Variants in SETBP1 observed in about 807,000 individuals in gnomAD.
SETBP1 encodes the protein SET binding protein 1, also known as SET-binding protein.
Under a neutral mutation model 101.0 loss-of-function variants are expected in SETBP1, and 9 were observed. The observed-to-expected ratio is 0.09, with a 90% CI of 0.05 to 0.16. SETBP1 has a LOEUF of 0.16. Among genes scored for constraint, SETBP1 ranks in the 10% least tolerant of loss-of-function variants. The pLI, the probability that SETBP1 is intolerant of heterozygous loss-of-function variation, is 1.00. For missense variants in SETBP1, 1,858 were observed against 2,033.8 expected (o/e 0.91, Z 1.66); for synonymous variants, 818 against 788.5 (o/e 1.04, Z -0.63).
At position 44,843,004 on chromosome 18, in the gene SETBP1, G is replaced by T. The variant is rs188056337; in HGVS notation, c.487-26226G>T. On this transcript the variant is annotated intron_variant, in intron 2 of 5. Coordinates refer to ENST00000649279, the MANE Select transcript of SETBP1 (RefSeq NM_015559.3). Reference sequence around the variant, plus strand: ...ACACGAGGAAAGCCAGGGTCTGACAGCTGGTCAACCAAAGAGACCGATAGC... The same window carrying T: ...ACACGAGGAAAGCCAGGGTCTGACATCTGGTCAACCAAAGAGACCGATAGC... 2.1e-3 allele frequency among the ~76,000 whole-genome samples: 327 copies of T among 152,366 alleles called. 1 individual carries two copies. Among genetic ancestry groups the T allele is most frequent in the African/African-American group, 7.4e-3 (308 of 41,588 alleles).
At chr18:44,836,098 C>T (rs922507225) in intron 2 of SETBP1, among the ~76,000 whole-genome samples, 5 of 146,674 alleles carry the variant, frequency 3.4e-5, no homozygotes, top group African/African-American at 1.3e-4. Context: ...TCAGAAACAT[C>T]ATTTCCTTAC....
chr18:44,781,233 C>G (rs1169688984), intron 2 of SETBP1, among the ~76,000 whole-genome samples: 2 of 152,144 alleles, frequency 1.3e-5, no homozygotes, highest in Non-Finnish European at 2.9e-5. Context: ...ACCTTAGTTG[C>G]TTCTTGAGAT....
intron 2 of SETBP1, among the ~76,000 whole-genome samples, chr18:44,721,681 G>T (rs961753019): frequency 2.6e-5 from 4 of 152,062 alleles, no homozygotes; most frequent in African/African-American, 9.7e-5. Flanking sequence ...TTAAATCTAT[G>T]TTACCCGCTT....
intron 4 of SETBP1, among the ~76,000 whole-genome samples, chr18:45,017,823 C>CT (rs1223695682): frequency 1.3e-5 from 2 of 152,240 alleles, no homozygotes; most frequent in African/African-American, 4.8e-5. Flanking sequence ...CCCTACCTCA[C>CT]TTTAGCACGT....
rs937036094 is a variant in SETBP1 at position 44,951,610 on chromosome 18, A to G, written c.2270A>G (p.Asp757Gly). 1 of 1,614,194 alleles carries G rather than the reference A, an allele frequency of 6.2e-7. No homozygotes were observed. The highest frequency in any genetic ancestry group is 8.5e-7 in the Non-Finnish European group (1 of 1,180,036). ...KHPRPVSSQP[D>G]VPAVPSNFQS... is the part of the protein sequence containing the mutation. ...CCCAGGCCTGTTTCTAGCCAGCCGG[A>G]TGTTCCAGCCGTGCCTTCCAACTTT... Residue 757 changes from aspartate (D) to glycine (G), a missense_variant, in exon 4 of 6, where the codon GAT becomes GGT. This residue lies in a region of SETBP1 where 121 missense variants were observed against 138.0 expected (regional missense o/e 0.88). Coordinates refer to ENST00000649279, the MANE Select transcript of SETBP1 (RefSeq NM_015559.3). The surrounding 1 kb of genome is among the most constrained non-coding windows in gnomAD (Gnocchi z 7.8).
Position 45,028,507 on chromosome 18 carries a change from G to C in SETBP1, c.4001-9978G>C, listed in dbSNP as rs552546702. 9.4e-3 allele frequency among the ~76,000 whole-genome samples: 1,423 copies of C among 152,100 alleles called. 25 individuals are homozygous for C. The highest frequency in any genetic ancestry group is 0.033 in the African/African-American group (1,349 of 41,480). On this transcript the variant is annotated intron_variant, in intron 4 of 5. Coordinates refer to ENST00000649279, the MANE Select transcript of SETBP1 (RefSeq NM_015559.3). Reference sequence around the variant, plus strand: ...TGTCTTTATAGCAGCATGATTTATAGTCCTTTGGGTATATACCCAGTAATG... The same window carrying C: ...TGTCTTTATAGCAGCATGATTTATACTCCTTTGGGTATATACCCAGTAATG...
chr18:45,001,318 A>T (rs1378590828), intron 4 of SETBP1, among the ~76,000 whole-genome samples: 1 of 152,240 alleles, frequency 6.6e-6, no homozygotes, highest in Non-Finnish European at 1.5e-5. Context: ...TGTAAGGATT[A>T]AATTCTATAA....
chr18:44,983,209 TCAAG>T (rs1444660045), intron 4 of SETBP1, among the ~76,000 whole-genome samples: 1 of 152,152 alleles, frequency 6.6e-6, no homozygotes, highest in African/African-American at 2.4e-5. Flanking sequence ...AGGCATTTCT[TCAAG>T]CAGACAGATT....
chr18:44,888,823 T>C (rs2069706274), intron 3 of SETBP1, among the ~76,000 whole-genome samples: 1 of 151,858 alleles, frequency 6.6e-6, no homozygotes, highest in Non-Finnish European at 1.5e-5. Flanking sequence ...TTTTTGGGAG[T>C]CAAGTCAGCT....
chr18:44,787,488 TAC>T (rs1231133433), intron 2 of SETBP1, among the ~76,000 whole-genome samples: 1 of 152,104 alleles, frequency 6.6e-6, no homozygotes, highest in Non-Finnish European at 1.5e-5. Flanking sequence ...CTGAAAAAAA[TAC>T]ACAGACATGG....
intron 2 of SETBP1, among the ~76,000 whole-genome samples, chr18:44,792,890 C>T (rs1599135467): frequency 1.3e-5 from 2 of 152,044 alleles, no homozygotes; most frequent in African/African-American, 4.8e-5. Flanking sequence ...CCAGGGAAGC[C>T]AAGTCAGCCG....
In SETBP1 at chr18:44,701,591, C is replaced by T. The variant is rs1325938805; in HGVS notation, c.245C>T (p.Ala82Val). The part of the protein sequence containing the change: ...NSNADSEKWV[A>V]GDGLEEQEFS... ...AACGCGGACAGTGAGAAATGGGTGG[C>T]AGGAGATGGTTTGGAAGAGCAGGAA... Residue 82 changes from alanine (A) to valine (V), a missense_variant, in exon 2 of 6, where the codon GCA becomes GTA. By Grantham distance (64) the Ala-to-Val change is moderately conservative. This residue lies in a region of SETBP1 where 28 missense variants were observed against 59.2 expected (regional missense o/e 0.47). Coordinates refer to ENST00000649279, the MANE Select transcript of SETBP1 (RefSeq NM_015559.3). 6.2e-7 allele frequency: 1 copy of T among 1,614,142 alleles called. No individual in the cohort carries two copies. Among genetic ancestry groups the T allele is most frequent in the Non-Finnish European group, 8.5e-7 (1 of 1,180,032 alleles).
chr18:45,009,227 T>G (rs1568025336), intron 4 of SETBP1, among the ~76,000 whole-genome samples: 1 of 151,884 alleles, frequency 6.6e-6, no homozygotes, highest in Non-Finnish European at 1.5e-5. Context: ...ACAGGGAAGC[T>G]TGGGCTGCAG....
At position 44,953,319 on chromosome 18, in the gene SETBP1, T is replaced by C. The variant is rs758450543; in HGVS notation, c.3979T>C (p.Tyr1327His). The stretch of plus-strand genomic sequence containing the variant: ...GATGAACCGCAAGGAGAGAAGTTCT[T>C]ATGACTCCTCCATGTCTCCAGGTAA... ...FKMNRKERSS[Y>H]DSSMSPGMPS... The change falls in exon 4 of 6, where the codon TAT becomes CAT. Residue 1327 changes from tyrosine to histidine, a missense_variant. Tyr to His is a moderately conservative substitution (Grantham distance 83). Around this residue, in one of 12 missense-constraint regions of SETBP1, gnomAD observed 417 missense variants for 389.1 expected, o/e 1.07. Transcript: ENST00000649279. 5 of 1,613,816 alleles carry C rather than the reference T, an allele frequency of 3.1e-6. No individual in the cohort carries two copies. Among genetic ancestry groups the C allele is most frequent in the Non-Finnish European group, 4.2e-6 (5 of 1,179,958 alleles).
chr18:45,047,446 G>A lies in SETBP1; in HGVS notation c.4171+8791G>A, dbSNP rs150741525. On this transcript the variant is annotated intron_variant, in intron 5 of 5. Coordinates refer to ENST00000649279, the MANE Select transcript of SETBP1 (RefSeq NM_015559.3). Reference sequence around the variant, plus strand: ...TGTGGTGCCTGCCTTGTTCACTGGCGCTTTCCATTTCTAGAAGTCTAATTA... The same window carrying A: ...TGTGGTGCCTGCCTTGTTCACTGGCACTTTCCATTTCTAGAAGTCTAATTA... Among the ~76,000 whole-genome samples the A allele has an allele frequency of 5.3e-4, 80 of 152,262 alleles. 1 individual carries two copies. In the Middle Eastern group the frequency reaches 0.031, roughly 58 times the overall value.
chr18:44,819,204 G>T (rs968976173), intron 2 of SETBP1, among the ~76,000 whole-genome samples: 5 of 152,040 alleles, frequency 3.3e-5, no homozygotes, highest in Non-Finnish European at 7.4e-5. Flanking sequence ...GAATCAAAAT[G>T]CTACCTTTGG....
chr18:45,051,498 G>T (rs2073720648), intron 5 of SETBP1, among the ~76,000 whole-genome samples: 1 of 152,100 alleles, frequency 6.6e-6, no homozygotes, highest in Non-Finnish European at 1.5e-5. Context: ...CTATACATGT[G>T]CTGGGGCAAG....
intron 4 of SETBP1, among the ~76,000 whole-genome samples, chr18:44,997,513 T>C (rs1464115354): frequency 1.3e-5 from 2 of 152,118 alleles, no homozygotes; most frequent in South Asian, 2.1e-4. Flanking sequence ...TCCCCTTAGG[T>C]AGAGGTCACT....
At chr18:44,865,774 G>A (rs928398667) in intron 2 of SETBP1, among the ~76,000 whole-genome samples, 6 of 152,142 alleles carry the variant, frequency 3.9e-5, no homozygotes, top group South Asian at 2.1e-4. Context: ...GGGTTGTGAC[G>A]TAATGGTGAG....
Sources: allele counts gnomAD v4.1 joint callset (sites outside exome capture counted in the v4.1 genomes callset), GRCh38; gene constraint gnomAD v4.1.1; regional missense constraint gnomAD v4.1.1; non-coding constraint Gnocchi (gnomAD v3.1); transcripts MANE v1.5; gene names NCBI Gene and HGNC (gene_info 2026-07-23, HGNC 2026-07-21).